MRPS15: variants seen among roughly 807,000 people sequenced by gnomAD.
The protein encoded by MRPS15 is small ribosomal subunit protein uS15m.
MRPS15 carries 25 observed loss-of-function variants against 30.7 expected under a neutral mutation model. That is an observed-to-expected ratio of 0.81 (90% CI 0.59 to 1.14). The LOEUF (loss-of-function observed/expected upper bound fraction) is 1.14. Ranked by LOEUF, MRPS15 falls within the 50% of genes most tolerant of loss-of-function variation. The pLI is 0.00. For missense variants in MRPS15, 313 were observed against 321.7 expected, an observed-to-expected ratio of 0.97 and a Z score of 0.21; for synonymous variants, 124 against 120.1, an observed-to-expected ratio of 1.03 and a Z score of -0.21.
chr1:36,463,257 G>A (rs1448995606), intron 2 of MRPS15, among the ~76,000 whole-genome samples: 1 of 152,224 alleles, frequency 6.6e-6, no homozygotes, highest in Non-Finnish European at 1.5e-5. Context: ...GTAAGCCACC[G>A]CGTCCGGCCC....
At chr1:36,463,954 C>G (rs1650153642) in intron 1 of MRPS15, 104 bp from the exon 2 acceptor site, 3 of 1,519,800 alleles carry the variant, frequency 2.0e-6, no homozygotes, top group Non-Finnish European at 2.7e-6. Context: ...CTATGCGCTT[C>G]TGAACCTAAC....
intron 3 of MRPS15, among the ~76,000 whole-genome samples, chr1:36,461,601 G>A (rs1650100578): frequency 6.6e-6 from 1 of 152,158 alleles, no homozygotes; most frequent in Admixed American, 6.6e-5. Context: ...AATCTGTTTT[G>A]AGACATTTCA....
Position 36,455,753 on chromosome 1 carries a change from A to G in MRPS15, c.*35T>C, listed in dbSNP as rs756612642. 9 of 1,607,372 alleles carry G rather than the reference A, an allele frequency of 5.6e-6. No individual in the cohort carries two copies. Among genetic ancestry groups the G allele is most frequent in the Non-Finnish European group, 7.6e-6 (9 of 1,177,820 alleles). ...AAAGAGCCCCATCATCTCTCCTATC[A>G]TTCTTCAAGACAGAAAGAAATGATT... On this transcript the variant is annotated 3_prime_UTR_variant, in exon 8 of 8. Transcript: ENST00000373116.
chr1:36,460,697 G>GT lies in MRPS15; in HGVS notation c.379_380insA (p.Ala127AspfsTer14). On this transcript the variant is annotated frameshift_variant, in exon 5 of 8. Coordinates refer to ENST00000373116, the MANE Select transcript of MRPS15 (RefSeq NM_031280.4). LOFTEE classifies it high-confidence loss of function. ...CCCAAGGGTCCCCGACCAACTTCGA[G>GT]CCTCCAGGGATCTGGTGTCCTCTGG... 6.2e-7 allele frequency: 1 copy of GT among 1,613,756 alleles called. No homozygotes were observed. The highest frequency in any genetic ancestry group is 1.1e-5 in the South Asian group (1 of 91,072).
chr1:36,457,275 C>CAAA (rs60005613), intron 6 of MRPS15, among the ~76,000 whole-genome samples: 2 of 142,806 alleles, frequency 1.4e-5, no homozygotes, highest in African/African-American at 5.3e-5. Flanking sequence ...GGCTCCATCT[C>CAAA]AAAAAAAAAA....
At chr1:36,457,784 G>T in intron 6 of MRPS15, 139 bp downstream of exon 6, 1 of 754,220 alleles carries the variant, frequency 1.3e-6, no homozygotes, top group Non-Finnish European at 2.3e-6. Context: ...GCCTTGTAAG[G>T]CTCCAAGTCC....
At chr1:36,463,404 A>T (rs1381591139) in intron 2 of MRPS15, among the ~76,000 whole-genome samples, 1 of 152,278 alleles carries the variant, frequency 6.6e-6, no homozygotes, top group African/African-American at 2.4e-5. Flanking sequence ...AATAAGAATC[A>T]GAGAGAGGAA....
intron 6 of MRPS15, 126 bp downstream of exon 6, chr1:36,457,797 T>C: frequency 1.2e-6 from 1 of 858,164 alleles, no homozygotes; most frequent in Non-Finnish European, 1.9e-6. Context: ...CCAAGTCCTC[T>C]GGAGGCAGGA....
chr1:36,461,945 A>C, intron 3 of MRPS15, 143 bp downstream of exon 3: 2 of 654,948 alleles, frequency 3.1e-6, no homozygotes, highest in South Asian at 4.1e-5. Context: ...CACCCTCACC[A>C]CACCTGGACA....
In MRPS15 at chr1:36,458,916, G is replaced by A. The variant is rs1173794967; in HGVS notation, c.386-935C>T. 1 of 152,182 alleles carries A rather than the reference G, an allele frequency of 6.6e-6. No homozygotes were observed. Among genetic ancestry groups the A allele is most frequent in the Non-Finnish European group, 1.5e-5 (1 of 68,048 alleles). The allele number at this position is 152,182 out of a possible 1,614,324, so 9.4% of individuals were successfully genotyped here. A position where few individuals can be genotyped will look rare whatever the true frequency, so the allele number is the denominator to read the frequency against. On this transcript the variant is annotated intron_variant, in intron 5 of 7. Transcript: ENST00000373116. The surrounding 1 kb of genome is among the most constrained non-coding windows in gnomAD (Gnocchi z 4.5). ...CCCTTCCCAGTACATACTGAGTTCT[G>A]GGAGCACTGCAGAAAGTGCAGTGGG...
chr1:36,463,867 G>A lies in MRPS15; in HGVS notation c.131-17C>T, dbSNP rs745557399. ...GGAGGAGACCTACGCAGAAAAGAGA[G>A]GGCTGAGGACCATCTCCTTAAATAG... is the stretch of plus-strand genomic sequence containing the variant. On this transcript the variant is annotated splice_polypyrimidine_tract_variant and intron_variant, in intron 1 of 7. Coordinates refer to ENST00000373116, the MANE Select transcript of MRPS15 (RefSeq NM_031280.4). The A allele has an allele frequency of 3.7e-6, 6 of 1,609,052 alleles. No individual in the cohort carries two copies. Among genetic ancestry groups the A allele is most frequent in the Admixed American group, 1.7e-5 (1 of 58,840 alleles).
In MRPS15 at chr1:36,464,297, G is replaced by C; in HGVS notation, c.-22C>G. The stretch of plus-strand genomic sequence containing the variant: ...GCATGGTGACCTCTAACCCCCGCGG[G>C]GCCCGCGCCGCGGCCGCCGTTCGCT... On this transcript the variant is annotated 5_prime_UTR_variant, in exon 1 of 8. Coordinates refer to ENST00000373116, the MANE Select transcript of MRPS15 (RefSeq NM_031280.4). 1 of 1,595,010 alleles carries C rather than the reference G, an allele frequency of 6.3e-7. No homozygotes were observed. The highest frequency in any genetic ancestry group is 8.5e-7 in the Non-Finnish European group (1 of 1,171,356).
chr1:36,459,822 A>G (rs1650061250), intron 5 of MRPS15: 1 of 152,270 alleles, frequency 6.6e-6, no homozygotes, highest in Non-Finnish European at 1.5e-5. Flanking sequence ...CAGGTCCACT[A>G]GTCTACCTCA....
chr1:36,460,696 A>G lies in MRPS15; in HGVS notation c.381T>C (p.Ala127=). The part of the protein sequence containing the change: ...ANPEDTRSLE[A]RIIALSVKIR... ...CCCCAAGGGTCCCCGACCAACTTCGAGCCTCCAGGGATCTGGTGTCCTCTG... is the reference window on the plus strand; with the variant it reads ...CCCCAAGGGTCCCCGACCAACTTCGGGCCTCCAGGGATCTGGTGTCCTCTG... Residue 127 remains alanine, a synonymous_variant, in exon 5 of 8, where the codon GCT becomes GCC. Coordinates refer to ENST00000373116, the MANE Select transcript of MRPS15 (RefSeq NM_031280.4). 1.2e-6 allele frequency: 2 copies of G among 1,613,806 alleles called. No individual in the cohort carries two copies. Among genetic ancestry groups the G allele is most frequent in the South Asian group, 1.1e-5 (1 of 91,072 alleles).
intron 5 of MRPS15, among the ~76,000 whole-genome samples, chr1:36,460,165 G>A (rs1650067052): frequency 6.6e-6 from 1 of 152,210 alleles, no homozygotes; most frequent in East Asian, 1.9e-4. Context: ...CCGCCACCAT[G>A]CCCGGCTAAT....
In MRPS15 at chr1:36,456,809, A is replaced by C. The variant is rs79570375; in HGVS notation, c.445-431T>G. On this transcript the variant is annotated intron_variant, in intron 6 of 7. Transcript: ENST00000373116. ...ACCTCTGCAGTAGGGCTGCTGTCCC[A>C]CACCTCAAATAAGCAAAACTGTGAT... Among the ~76,000 whole-genome samples the C allele has an allele frequency of 3.2e-3, 488 of 152,324 alleles. 3 individuals are homozygous for C. Among genetic ancestry groups the C allele is most frequent in the South Asian group, 0.012 (56 of 4,830 alleles).
At position 36,461,256 on chromosome 1, in the gene MRPS15, C is replaced by T. The variant is rs759493865; in HGVS notation, c.300+8G>A. The stretch of plus-strand genomic sequence containing the variant: ...GCGGGAGGCTGAGGCTTGGCAGAGG[C>T]TGCTCACCTTGTTGGCCATTTCCAA... On this transcript the variant is annotated splice_region_variant and intron_variant, in intron 4 of 7. Coordinates refer to ENST00000373116, the MANE Select transcript of MRPS15 (RefSeq NM_031280.4). 1.0e-4 allele frequency: 162 copies of T among 1,614,024 alleles called. 1 individual carries two copies. Among genetic ancestry groups the T allele is most frequent in the Non-Finnish European group, 1.3e-4 (159 of 1,180,024 alleles).
At chr1:36,463,874 G>C in intron 1 of MRPS15, 24 bp from the exon 2 acceptor site, 1 of 1,605,092 alleles carries the variant, frequency 6.2e-7, no homozygotes, top group Non-Finnish European at 8.5e-7. Context: ...AGAGGGCTGA[G>C]GACCATCTCC....
At position 36,461,299 on chromosome 1, in the gene MRPS15, C is replaced by T. The variant is rs374558696; in HGVS notation, c.265G>A (p.Val89Met). The T allele has an allele frequency of 5.6e-5, 91 of 1,614,010 alleles. No individual in the cohort carries two copies. The highest frequency in any genetic ancestry group is 5.0e-4 in the Admixed American group (30 of 60,002). Residue 89 changes from valine to methionine, a missense_variant, in exon 4 of 8, where the codon GTG becomes ATG. Physicochemically the swap from Val to Met is conservative, Grantham distance 21 (BLOSUM62 1). Coordinates refer to ENST00000373116, the MANE Select transcript of MRPS15 (RefSeq NM_031280.4). ...VPGIEKVDDV[V>M]KRLLSLEMAN... ...ATTTCCAAAGACAAGAGTCTTTTCA[C>T]GACATCATCAACCCTGTGGATAAAC...
Sources: allele counts gnomAD v4.1 joint callset (sites outside exome capture counted in the v4.1 genomes callset), GRCh38; gene constraint gnomAD v4.1.1; non-coding constraint Gnocchi (gnomAD v3.1); transcripts MANE v1.5; gene names NCBI Gene and HGNC (gene_info 2026-07-23, HGNC 2026-07-21).